The following RBM39 variants were observed in gnomAD, a reference collection of about 807,000 sequenced individuals.
The protein encoded by RBM39 is RNA binding motif protein 39.
A neutral mutation model predicts 79.6 loss-of-function variants in RBM39; 12 were observed. The observed-to-expected ratio is 0.15, with a 90% confidence interval of 0.10 to 0.24. The LOEUF (loss-of-function observed/expected upper bound fraction) is 0.24, where lower values mean the gene tolerates loss of function less well. Among genes scored for constraint, RBM39 ranks in the 10% least tolerant of loss-of-function variants. The pLI, the probability that RBM39 is intolerant of heterozygous loss-of-function variation, is 1.00. For synonymous variants in RBM39, 185 were observed against 208.4 expected (o/e 0.89, Z 0.97); for missense variants, 243 against 653.4 (o/e 0.37, Z 6.85).
rs772664508 is a variant in RBM39, at chr20:35,702,352, G to C, written c.*2129C>G. 3.9e-5 allele frequency: 6 copies of C among 152,080 alleles called. No individual in the cohort carries two copies. The highest frequency in any genetic ancestry group is 7.4e-5 in the Non-Finnish European group (5 of 68,004). 9.4% of individuals were successfully genotyped at this position (152,080 alleles called of 1,614,324 possible). A position where few individuals can be genotyped will look rare whatever the true frequency, so the allele number is the denominator to read the frequency against. On this transcript the variant is annotated 3_prime_UTR_variant, in exon 17 of 17. Transcript: ENST00000253363. Reference sequence around the variant, plus strand: ...TAAACAGTTTCACTCAGAATGAGCTGTTTTCTATGCACGACACTATTCAAG... The same window carrying C: ...TAAACAGTTTCACTCAGAATGAGCTCTTTTCTATGCACGACACTATTCAAG...
At chr20:35,733,764 T>C (rs140554044) in intron 3 of RBM39, among the ~76,000 whole-genome samples, 1 of 152,314 alleles carries the variant, frequency 6.6e-6, no homozygotes, top group South Asian at 2.1e-4. Flanking sequence ...ACCTGTGGGA[T>C]GCAATCAAAA....
chr20:35,740,705 C>T (rs1288540218), intron 2 of RBM39, 119 bp downstream of exon 2: 1 of 1,296,026 alleles, frequency 7.7e-7, no homozygotes, highest in South Asian at 1.2e-5. Context: ...ACACGTAATG[C>T]ATCTCTGATA....
At chr20:35,731,755 TTTAC>T in intron 4 of RBM39, 182 bp downstream of exon 4, 1 of 641,796 alleles carries the variant, frequency 1.6e-6, no homozygotes, top group Non-Finnish European at 2.6e-6. Flanking sequence ...AAAGCAAATT[TTTAC>T]TTATTTGTCT....
intron 6 of RBM39, among the ~76,000 whole-genome samples, chr20:35,726,878 T>C (rs529489170): frequency 6.6e-5 from 10 of 151,898 alleles, no homozygotes; most frequent in Middle Eastern, 3.4e-3. Context: ...CAGGCTGGAG[T>C]GCAGTGGTGT....
chr20:35,727,463 G>A (rs1035990724), intron 6 of RBM39, among the ~76,000 whole-genome samples: 1 of 148,652 alleles, frequency 6.7e-6, no homozygotes, highest in African/African-American at 2.5e-5. Context: ...AACCGAAATC[G>A]TAGACTGAAC....
At chr20:35,707,924 C>G (rs1427995466) in intron 13 of RBM39, 1 of 466,414 alleles carries the variant, frequency 2.1e-6, no homozygotes, top group Non-Finnish European at 4.4e-6. Flanking sequence ...TTACCAGTAG[C>G]TGTTACAGAA....
At chr20:35,705,887 A>G (rs539992303) in intron 14 of RBM39, among the ~76,000 whole-genome samples, 37 of 152,248 alleles carry the variant, frequency 2.4e-4, no homozygotes, top group African/African-American at 7.9e-4. Context: ...ATGACTCTGC[A>G]TAACTTGAAA....
At chr20:35,728,880 C>T (rs960207655) in intron 6 of RBM39, among the ~76,000 whole-genome samples, 3 of 151,864 alleles carry the variant, frequency 2.0e-5, no homozygotes, top group Non-Finnish European at 2.9e-5. Context: ...GAGCTCAACA[C>T]TAGGCTAGCC....
chr20:35,741,219 A>G (rs2040496079), intron 1 of RBM39, among the ~76,000 whole-genome samples: 1 of 150,992 alleles, frequency 6.6e-6, no homozygotes. Context: ...TTTTTGGTAG[A>G]GACGGGGTTT....
At chr20:35,711,155 C>CT (rs748802078) in intron 12 of RBM39, among the ~76,000 whole-genome samples, 1 of 152,124 alleles carries the variant, frequency 6.6e-6, no homozygotes, top group Non-Finnish European at 1.5e-5. Context: ...TAAATGACCC[C>CT]TTTGTCACTG....
chr20:35,708,010 C>A, intron 13 of RBM39: 1 of 390,826 alleles, frequency 2.6e-6, no homozygotes. Flanking sequence ...TAAAACAGTG[C>A]ATTAGAAATT....
chr20:35,715,288 C>T (rs1364568480), intron 10 of RBM39, among the ~76,000 whole-genome samples: 3 of 152,172 alleles, frequency 2.0e-5, no homozygotes, highest in Non-Finnish European at 4.4e-5. Context: ...GGCAATTCTT[C>T]CTCATCCTCC....
intron 13 of RBM39, chr20:35,708,977 T>C: frequency 2.7e-6 from 1 of 370,612 alleles, no homozygotes; most frequent in Non-Finnish European, 4.9e-6. Context: ...AAAAACAAGG[T>C]TGAAAATTTT....
intron 9 of RBM39, 124 bp from the exon 10 acceptor site, chr20:35,716,929 A>G: frequency 1.6e-6 from 1 of 613,462 alleles, no homozygotes; most frequent in Admixed American, 3.3e-5. Flanking sequence ...CTTATCACAA[A>G]ACCTCATCAC....
At chr20:35,721,285 A>T (rs1018867527) in intron 9 of RBM39, among the ~76,000 whole-genome samples, 1 of 152,104 alleles carries the variant, frequency 6.6e-6, no homozygotes, top group East Asian at 1.9e-4. Context: ...ACAATCTTTT[A>T]AAAAAAATCC....
chr20:35,704,887 G>A, intron 15 of RBM39, 141 bp from the exon 16 acceptor site: 1 of 665,260 alleles, frequency 1.5e-6, no homozygotes, highest in East Asian at 2.7e-5. Context: ...TGGCTAATAG[G>A]TATACTAGAA....
In RBM39 at chr20:35,722,160, C is replaced by A. The variant is rs138294253; in HGVS notation, c.688-283G>T. 1.5e-4 allele frequency among the ~76,000 whole-genome samples: 23 copies of A among 152,240 alleles called. No individual in the cohort carries two copies. The East Asian group carries it at 4.3e-3, about 28-fold the overall frequency. The stretch of plus-strand genomic sequence containing the variant: ...CGATGGCTCACACCTGTAATCCCAG[C>A]ACTTTAGTAGGCTAAAGCAGCCAGA... On this transcript the variant is annotated intron_variant, in intron 8 of 16. Coordinates refer to ENST00000253363, the MANE Select transcript of RBM39 (RefSeq NM_184234.3).
chr20:35,728,169 T>C (rs1336488479), intron 6 of RBM39, among the ~76,000 whole-genome samples: 1 of 152,202 alleles, frequency 6.6e-6, no homozygotes, highest in African/African-American at 2.4e-5. Context: ...TCACTAAGAC[T>C]TCTGAGATGA....
At chr20:35,740,138 T>A (rs768744766) in intron 2 of RBM39, 4 of 160,420 alleles carry the variant, frequency 2.5e-5, no homozygotes, top group Admixed American at 2.5e-4. Context: ...ATCAAGTGAC[T>A]CTAAGCTTGT....
Sources: gnomAD v4.1 joint callset for allele counts (sites outside exome capture counted in the v4.1 genomes callset) on GRCh38, gnomAD v4.1.1 for gene constraint, MANE v1.5 for transcripts, NCBI Gene and HGNC (gene_info 2026-07-23, HGNC 2026-07-21) for gene names.